Variants in LRMDA observed in about 807,000 individuals in gnomAD.
The protein encoded by LRMDA is leucine rich melanocyte differentiation associated.
In LRMDA, 18 loss-of-function variants were observed where a neutral mutation model predicts 29.8. The observed-to-expected ratio is 0.60, with a 90% confidence interval of 0.42 to 0.90. The LOEUF is 0.90. LRMDA is among the 40% of genes least tolerant of loss of function. The pLI, the probability that LRMDA is intolerant of heterozygous loss-of-function variation, is 0.00. For synonymous variants in LRMDA, 125 were observed against 109.4 expected, an observed-to-expected ratio of 1.14 and a Z score of -0.89; for missense variants, 273 against 273.9, an observed-to-expected ratio of 1.00 and a Z score of 0.02.
intron 2 of LRMDA, among the ~76,000 whole-genome samples, chr10:75,993,019 G>A (rs1364718641): frequency 3.3e-5 from 5 of 152,106 alleles, no homozygotes; most frequent in Non-Finnish European, 7.4e-5. Context: ...AAAAAGAAGA[G>A]AGTGTCTTTA....
rs1348676278 is a variant in LRMDA, at chr10:76,035,731, C to T, written c.132-277C>T. 2.0e-5 allele frequency among the ~76,000 whole-genome samples: 3 copies of T among 152,162 alleles called. No individual in the cohort carries two copies. In the East Asian group the frequency reaches 5.8e-4, roughly 29 times the overall value. On this transcript the variant is annotated intron_variant, in intron 2 of 6. Coordinates refer to ENST00000611255, the MANE Select transcript of LRMDA (RefSeq NM_001305581.2). ...GACAAATTTATCCTGCAGGCCGTATCTGAAGCCCTTTGTTTTGGATCCTGG... is the reference window on the plus strand; with the variant it reads ...GACAAATTTATCCTGCAGGCCGTATTTGAAGCCCTTTGTTTTGGATCCTGG...
intron 5 of LRMDA, among the ~76,000 whole-genome samples, chr10:76,250,345 G>A (rs1448487215): frequency 6.6e-6 from 1 of 152,186 alleles, no homozygotes; most frequent in East Asian, 1.9e-4. Flanking sequence ...TATGAGAATT[G>A]AGTGGATATA....
At chr10:75,789,125 A>T (rs373928732) in intron 2 of LRMDA, among the ~76,000 whole-genome samples, 15 of 152,372 alleles carry the variant, frequency 9.8e-5, no homozygotes, top group African/African-American at 3.6e-4. Context: ...GTGAACACTC[A>T]TTCAGACACT....
intron 2 of LRMDA, among the ~76,000 whole-genome samples, chr10:75,500,373 AT>A (rs1441770895): frequency 6.6e-6 from 1 of 152,224 alleles, no homozygotes; most frequent in African/African-American, 2.4e-5. Context: ...GGTGAAGAAT[AT>A]TATTATCTCT....
At chr10:76,184,413 G>A (rs1053643270) in intron 5 of LRMDA, among the ~76,000 whole-genome samples, 1 of 152,204 alleles carries the variant, frequency 6.6e-6, no homozygotes, top group Admixed American at 6.5e-5. Flanking sequence ...TATCCAATTA[G>A]AAGTTGAAGC....
At chr10:76,118,717 T>C (rs915709989) in intron 5 of LRMDA, among the ~76,000 whole-genome samples, 1 of 152,138 alleles carries the variant, frequency 6.6e-6, no homozygotes, top group Non-Finnish European at 1.5e-5. Context: ...CCTTTTGCAT[T>C]AAAAACATCA....
At chr10:75,489,148 G>A (rs572424686) in intron 2 of LRMDA, among the ~76,000 whole-genome samples, 2 of 149,072 alleles carry the variant, frequency 1.3e-5, no homozygotes, top group Non-Finnish European at 3.0e-5. Context: ...CGACCATGGA[G>A]TAAAGAGTTA....
intron 2 of LRMDA, among the ~76,000 whole-genome samples, chr10:75,932,695 T>A (rs949792666): frequency 6.6e-6 from 1 of 152,192 alleles, no homozygotes; most frequent in Non-Finnish European, 1.5e-5. Flanking sequence ...GAGTAAATTA[T>A]CTGCCCCCTT....
At chr10:75,752,710 G>T (rs984034515) in intron 2 of LRMDA, among the ~76,000 whole-genome samples, 4 of 152,136 alleles carry the variant, frequency 2.6e-5, no homozygotes, top group Admixed American at 2.0e-4. Context: ...CAGAACCTGT[G>T]TCTTAGGTAT....
At chr10:76,460,029 A>G (rs985757656) in intron 6 of LRMDA, among the ~76,000 whole-genome samples, 3 of 152,146 alleles carry the variant, frequency 2.0e-5, no homozygotes, top group African/African-American at 2.4e-5. Flanking sequence ...TAGAACACAT[A>G]ATATCCTATT....
At chr10:76,421,171 T>C (rs1842068331) in intron 6 of LRMDA, among the ~76,000 whole-genome samples, 1 of 152,218 alleles carries the variant, frequency 6.6e-6, no homozygotes, top group Admixed American at 6.5e-5. Context: ...TTGTCCCCTA[T>C]AGTTCTGTTG....
intron 2 of LRMDA, among the ~76,000 whole-genome samples, chr10:75,639,165 C>T (rs751606165): frequency 6.6e-6 from 1 of 152,242 alleles, no homozygotes; most frequent in Non-Finnish European, 1.5e-5. Flanking sequence ...ACCTGTGATA[C>T]GTAAACTTAA....
chr10:75,602,817 T>C (rs962350551), intron 2 of LRMDA, among the ~76,000 whole-genome samples: 2 of 152,194 alleles, frequency 1.3e-5, no homozygotes, highest in Non-Finnish European at 2.9e-5. Flanking sequence ...AGATTCAGGA[T>C]AGAAAAATAT....
At position 75,530,530 on chromosome 10, in the gene LRMDA, T is replaced by G. The variant is rs149968549; in HGVS notation, c.131+92036T>G. Among the ~76,000 whole-genome samples the G allele has an allele frequency of 6.6e-5, 10 of 152,288 alleles. 1 individual carries two copies. Among genetic ancestry groups the G allele is most frequent in the African/African-American group, 2.4e-4 (10 of 41,570 alleles). On this transcript the variant is annotated intron_variant, in intron 2 of 6. Coordinates refer to ENST00000611255, the MANE Select transcript of LRMDA (RefSeq NM_001305581.2). Reference sequence around the variant, plus strand: ...CTCAGTGTTGACTCATCCCTGATGTTTCCTGGCTGTGAAGGGCACCCCCAT... The same window carrying G: ...CTCAGTGTTGACTCATCCCTGATGTGTCCTGGCTGTGAAGGGCACCCCCAT...
intron 5 of LRMDA, among the ~76,000 whole-genome samples, chr10:76,188,937 C>A (rs1435245323): frequency 2.1e-5 from 2 of 96,018 alleles, no homozygotes; most frequent in Admixed American, 2.0e-4. Flanking sequence ...ATTGCATGTA[C>A]ACACACACAC....
intron 2 of LRMDA, among the ~76,000 whole-genome samples, chr10:75,617,811 C>T (rs1359791876): frequency 6.6e-6 from 1 of 152,190 alleles, no homozygotes; most frequent in Non-Finnish European, 1.5e-5. Context: ...AAGCCTCACA[C>T]CACAATCTAT....
chr10:75,641,700 A>G (rs1407366648), intron 2 of LRMDA, among the ~76,000 whole-genome samples: 1 of 152,188 alleles, frequency 6.6e-6, no homozygotes, highest in African/African-American at 2.4e-5. Flanking sequence ...CTGGCCTTCC[A>G]AAATGCTCAG....
intron 6 of LRMDA, among the ~76,000 whole-genome samples, chr10:76,530,315 T>G (rs1405543265): frequency 1.3e-5 from 2 of 152,130 alleles, no homozygotes; most frequent in African/African-American, 4.8e-5. Flanking sequence ...GAAGAGAAAG[T>G]AAAAACTATG....
intron 2 of LRMDA, among the ~76,000 whole-genome samples, chr10:75,989,110 G>A (rs1847314442): frequency 6.6e-6 from 1 of 151,812 alleles, no homozygotes; most frequent in African/African-American, 2.4e-5. Flanking sequence ...AAGGGCTGGG[G>A]TCCCATCCGT....
Sources: gnomAD v4.1 joint callset for allele counts (sites outside exome capture counted in the v4.1 genomes callset) on GRCh38, gnomAD v4.1.1 for gene constraint, MANE v1.5 for transcripts, NCBI Gene and HGNC (gene_info 2026-07-23, HGNC 2026-07-21) for gene names.